The following ARHGEF12 variants were observed in gnomAD, a reference collection of about 807,000 sequenced individuals.
ARHGEF12 encodes Rho guanine nucleotide exchange factor 12.
In ARHGEF12, 66 loss-of-function variants were observed where a neutral mutation model predicts 211.2. The ratio of observed to expected loss-of-function variants is 0.31; its 90% CI spans 0.26 to 0.38. The LOEUF (loss-of-function observed/expected upper bound fraction) is 0.38. ARHGEF12 is among the 10% of genes least tolerant of loss of function. ARHGEF12 has a pLI of 1.00. For missense variants in ARHGEF12, 1,429 were observed against 1,869.5 expected (o/e 0.76, Z 4.34); for synonymous variants, 592 against 638.4 (o/e 0.93, Z 1.09).
intron 7 of ARHGEF12, among the ~76,000 whole-genome samples, chr11:120,424,885 T>G (rs964977938): frequency 6.6e-6 from 1 of 152,218 alleles, no homozygotes; most frequent in Non-Finnish European, 1.5e-5. Context: ...AAAAATCATC[T>G]AGCACAATCA....
At chr11:120,470,446 G>T (rs1283695588) in intron 30 of ARHGEF12, among the ~76,000 whole-genome samples, 1 of 152,206 alleles carries the variant, frequency 6.6e-6, no homozygotes, top group Non-Finnish European at 1.5e-5. Context: ...AGGATGAGTG[G>T]AGAAGCCCCA....
At chr11:120,351,455 A>T (rs1389383785) in intron 1 of ARHGEF12, among the ~76,000 whole-genome samples, 754 of 5,684 alleles carry the variant, frequency 0.13, 55 homozygotes, top group South Asian at 0.51. Context: ...ATATATATAT[A>T]TTTTTTTTTT....
Position 120,407,773 on chromosome 11 carries a change from A to T in ARHGEF12, c.92A>T (p.Asp31Val). Residue 31 changes from aspartate (D) to valine (V), a missense_variant, in exon 3 of 41, where the codon GAT becomes GTT. Physicochemically the swap from Asp to Val is radical, Grantham distance 152. Coordinates refer to ENST00000397843, the MANE Select transcript of ARHGEF12 (RefSeq NM_015313.3). Reference sequence around the variant, plus strand: ...ATTTTGAACCGAGAGTCACCAACAGATAAGAAGCAGAAAGTTGAGCGCATT... The same window carrying T: ...ATTTTGAACCGAGAGTCACCAACAGTTAAGAAGCAGAAAGTTGAGCGCATT... Reference protein sequence around the residue: ...GSILNRESPTDKKQKVERIAS... With the variant: ...GSILNRESPTVKKQKVERIAS... The T allele has an allele frequency of 6.2e-7, 1 of 1,613,674 alleles. No individual in the cohort carries two copies. The highest frequency in any genetic ancestry group is 8.5e-7 in the Non-Finnish European group (1 of 1,179,796).
intron 1 of ARHGEF12, 134 bp downstream of exon 1, chr11:120,337,409 G>GT (rs1416912377): frequency 5.3e-6 from 8 of 1,514,930 alleles, no homozygotes; most frequent in Non-Finnish European, 7.1e-6. Flanking sequence ...GAGCTGTGCA[G>GT]TTAGCCTGGG....
chr11:120,420,657 C>T (rs1032965466), intron 4 of ARHGEF12, 96 bp from the exon 5 acceptor site: 4 of 1,015,082 alleles, frequency 3.9e-6, no homozygotes, highest in South Asian at 1.6e-5. Flanking sequence ...TTTTGTTTCT[C>T]CAGATGGAAC....
intron 1 of ARHGEF12, chr11:120,337,526 G>A: frequency 6.4e-5 from 63 of 985,380 alleles, no homozygotes; most frequent in Non-Finnish European, 7.6e-5. Context: ...CATGATTGTG[G>A]TTTTCCGCCT....
At chr11:120,440,105 T>G in intron 12 of ARHGEF12, 24 bp from the exon 13 acceptor site, 1 of 1,570,498 alleles carries the variant, frequency 6.4e-7, no homozygotes, top group South Asian at 1.2e-5. Flanking sequence ...AATTTTTCTG[T>G]TTCTTTTCCC....
intron 1 of ARHGEF12, among the ~76,000 whole-genome samples, chr11:120,401,967 T>G (rs965436140): frequency 6.6e-6 from 1 of 152,224 alleles, no homozygotes; most frequent in Admixed American, 6.5e-5. Flanking sequence ...TAATAGTAAA[T>G]ACATAAGTGG....
chr11:120,459,114 T>C, intron 25 of ARHGEF12, 60 bp from the exon 26 acceptor site: 1 of 1,380,274 alleles, frequency 7.2e-7, no homozygotes, highest in South Asian at 1.7e-5. Flanking sequence ...CTAAAGACTA[T>C]GATTGATCCC....
rs1481436175 is a variant in ARHGEF12, at chr11:120,362,839, G to T, written c.32+25564G>T. ...GAAACAGCCAGGCGCAGTGGCTCAT[G>T]CCTGTAATCCCAGCAGTTTGGGAGG... is the stretch of plus-strand genomic sequence containing the variant. On this transcript the variant is annotated intron_variant, in intron 1 of 40. Coordinates refer to ENST00000397843, the MANE Select transcript of ARHGEF12 (RefSeq NM_015313.3). Among the ~76,000 whole-genome samples the T allele has an allele frequency of 2.6e-5, 4 of 152,188 alleles. No homozygotes were observed. In the East Asian group the frequency reaches 7.7e-4, roughly 29 times the overall value.
intron 30 of ARHGEF12, 106 bp downstream of exon 30, chr11:120,469,494 C>T: frequency 1.1e-6 from 1 of 894,842 alleles, no homozygotes; most frequent in South Asian, 2.0e-5. Flanking sequence ...ACCTAATGGA[C>T]AGGGAGAACA....
In ARHGEF12 at chr11:120,431,903, A is replaced by G; in HGVS notation, c.916A>G (p.Asn306Asp). ...SGDASRPSSD[N>D]ADSPKSGPKE... ...AGATGCTTCTCGGCCCAGTAGTGACAATGCAGATGTAAGCTTTCAGTTTTC... is the reference window on the plus strand; with the variant it reads ...AGATGCTTCTCGGCCCAGTAGTGACGATGCAGATGTAAGCTTTCAGTTTTC... Residue 306 changes from asparagine to aspartate, a missense_variant, in exon 11 of 41, where the codon AAT becomes GAT. Around this residue, in one of 7 missense-constraint regions of ARHGEF12, gnomAD observed 254 missense variants for 286.4 expected, o/e 0.89. Transcript: ENST00000397843. 6.3e-7 allele frequency: 1 copy of G among 1,592,868 alleles called. No homozygotes were observed. The highest frequency in any genetic ancestry group is 1.7e-4 in the Middle Eastern group (1 of 5,960).
chr11:120,353,764 T>C (rs1336712359), intron 1 of ARHGEF12, among the ~76,000 whole-genome samples: 8 of 152,212 alleles, frequency 5.3e-5, no homozygotes, highest in African/African-American at 1.9e-4. Context: ...GTAAGCTTTG[T>C]CCCAGACTGC....
chr11:120,361,861 C>T (rs1295352280), intron 1 of ARHGEF12, among the ~76,000 whole-genome samples: 4 of 152,236 alleles, frequency 2.6e-5, no homozygotes, highest in Non-Finnish European at 4.4e-5. Context: ...CAGGCATGCA[C>T]ATGATCTCAC....
intron 1 of ARHGEF12, among the ~76,000 whole-genome samples, chr11:120,377,628 C>T (rs1943764875): frequency 6.6e-6 from 1 of 152,148 alleles, no homozygotes; most frequent in Admixed American, 6.5e-5. Flanking sequence ...AGCCACTATG[C>T]CCAGCCTTTC....
rs1191778665 is a variant in ARHGEF12, at chr11:120,425,348, T to TG, written c.406+933_406+934insG. ...ATTTTATGTTTTCTTGGTTTTTTTT[T>TG]TTTTTTTGTTTGTTTGTTTTTAGGG... On this transcript the variant is annotated intron_variant, in intron 7 of 40. Coordinates refer to ENST00000397843, the MANE Select transcript of ARHGEF12 (RefSeq NM_015313.3). Among the ~76,000 whole-genome samples, 933 of 151,854 alleles carry TG rather than the reference T, an allele frequency of 6.1e-3. 10 individuals carry two copies. Among genetic ancestry groups the TG allele is most frequent in the African/African-American group, 0.022 (908 of 41,306 alleles).
chr11:120,396,875 C>T (rs1211684490), intron 1 of ARHGEF12, among the ~76,000 whole-genome samples: 1 of 152,146 alleles, frequency 6.6e-6, no homozygotes, highest in Non-Finnish European at 1.5e-5. Flanking sequence ...ACAATTCAAC[C>T]TGCAACAAAT....
chr11:120,350,359 C>T (rs1812974), intron 1 of ARHGEF12, among the ~76,000 whole-genome samples: 30,979 of 151,692 alleles, frequency 0.2, 3,450 homozygotes, highest in African/African-American at 0.28. Context: ...ACTAAAAATA[C>T]GAAAAATTAG....
intron 1 of ARHGEF12, among the ~76,000 whole-genome samples, chr11:120,397,701 C>T (rs1944430169): frequency 6.6e-6 from 1 of 152,104 alleles, no homozygotes; most frequent in Non-Finnish European, 1.5e-5. Flanking sequence ...AAGTCTAGAG[C>T]CCCATCTACA....
Sources: allele counts gnomAD v4.1 joint callset (sites outside exome capture counted in the v4.1 genomes callset), GRCh38; gene constraint gnomAD v4.1.1; regional missense constraint gnomAD v4.1.1; transcripts MANE v1.5; gene names NCBI Gene and HGNC (gene_info 2026-07-23, HGNC 2026-07-21).